SUFU: variants seen among roughly 807,000 people sequenced by gnomAD.
SUFU encodes the protein SUFU negative regulator of hedgehog signaling.
In SUFU, 7 loss-of-function variants were observed where a neutral mutation model predicts 58.9. That is an observed-to-expected ratio of 0.12 (90% CI 0.07 to 0.22). SUFU has a LOEUF of 0.22. Ranked by LOEUF, SUFU falls within the 10% of genes least tolerant of loss-of-function variation. The pLI, the probability that SUFU is intolerant of heterozygous loss-of-function variation, is 1.00. For synonymous variants in SUFU, 232 were observed against 254.8 expected (o/e 0.91, Z 0.85); for missense variants, 451 against 641.3 (o/e 0.70, Z 3.20).
intron 8 of SUFU, among the ~76,000 whole-genome samples, chr10:102,614,325 GT>G (rs1226177262): frequency 3.3e-5 from 5 of 150,588 alleles, no homozygotes; most frequent in Middle Eastern, 3.7e-3. Flanking sequence ...GGAGGCCGAG[GT>G]AGGCAGATCA....
chr10:102,621,097 G>A (rs143143675), intron 10 of SUFU, among the ~76,000 whole-genome samples: 2 of 152,252 alleles, frequency 1.3e-5, no homozygotes, highest in African/African-American at 2.4e-5. Flanking sequence ...AGGTGCTGCC[G>A]AGCTCTCCTC....
chr10:102,515,662 G>A (rs1457700548), intron 2 of SUFU, among the ~76,000 whole-genome samples: 2 of 152,006 alleles, frequency 1.3e-5, no homozygotes, highest in Non-Finnish European at 2.9e-5. Flanking sequence ...TCCTTTCTTC[G>A]CCATACACAT....
intron 3 of SUFU, among the ~76,000 whole-genome samples, chr10:102,551,463 C>G (rs2062913967): frequency 6.6e-6 from 1 of 151,796 alleles, no homozygotes; most frequent in Non-Finnish European, 1.5e-5. Context: ...CATGGTGAAA[C>G]CCTGTGTCTA....
At chr10:102,612,949 T>G (rs1590079652) in intron 8 of SUFU, among the ~76,000 whole-genome samples, 1 of 152,024 alleles carries the variant, frequency 6.6e-6, no homozygotes, top group East Asian at 1.9e-4. Flanking sequence ...TCAGGAAACA[T>G]GGCTCAGGAA....
At chr10:102,620,024 G>C (rs2063726890) in intron 10 of SUFU, among the ~76,000 whole-genome samples, 1 of 152,198 alleles carries the variant, frequency 6.6e-6, no homozygotes, top group African/African-American at 2.4e-5. Flanking sequence ...TGTCTTCTTG[G>C]GCCTTGTGTG....
At position 102,615,383 on chromosome 10, in the gene SUFU, C is replaced by T. The variant is rs2135930417; in HGVS notation, c.1138C>T (p.Leu380Phe). The T allele has an allele frequency of 6.2e-7, 1 of 1,614,106 alleles. No homozygotes were observed. Among genetic ancestry groups the T allele is most frequent in the Non-Finnish European group, 8.5e-7 (1 of 1,179,978 alleles). Residue 380 changes from leucine (L) to phenylalanine (F), a missense_variant, in exon 9 of 12, where the codon CTC becomes TTC. Transcript: ENST00000369902. ...GAAATTCAACCAGGAGTCCGGAGCC[C>T]TCATTCCTCTCTGCCTAAGGTGAGC... ...HLKFNQESGA[L>F]IPLCLRGRLL... is the part of the protein sequence containing the mutation.
At chr10:102,564,053 A>C (rs2063064986) in intron 3 of SUFU, among the ~76,000 whole-genome samples, 1 of 152,214 alleles carries the variant, frequency 6.6e-6, no homozygotes, top group Admixed American at 6.5e-5. Context: ...TGCTGTGCTC[A>C]GCAGCACACC....
chr10:102,569,200 T>C (rs975816231), intron 3 of SUFU, among the ~76,000 whole-genome samples: 1 of 151,902 alleles, frequency 6.6e-6, no homozygotes, highest in African/African-American at 2.4e-5. Flanking sequence ...ATTTTACAGT[T>C]TGGCACATAT....
chr10:102,506,473 G>A (rs7902317), intron 1 of SUFU, among the ~76,000 whole-genome samples: 2 of 151,840 alleles, frequency 1.3e-5, no homozygotes, highest in African/African-American at 2.4e-5. Flanking sequence ...CTGTCTCCCG[G>A]TTTCAAGCGA....
intron 2 of SUFU, among the ~76,000 whole-genome samples, chr10:102,539,708 A>G (rs1314958636): frequency 6.6e-6 from 1 of 152,194 alleles, no homozygotes; most frequent in Non-Finnish European, 1.5e-5. Flanking sequence ...AGTCTTCTCC[A>G]TATTTACTTA....
chr10:102,541,624 C>T (rs2062800622), intron 2 of SUFU, among the ~76,000 whole-genome samples: 2 of 150,490 alleles, frequency 1.3e-5, no homozygotes, highest in South Asian at 4.2e-4. Flanking sequence ...GTCTCCAACT[C>T]CTGACCTCAG....
chr10:102,546,544 G>C (rs1385396123), intron 2 of SUFU, among the ~76,000 whole-genome samples: 1 of 152,184 alleles, frequency 6.6e-6, no homozygotes, highest in African/African-American at 2.4e-5. Context: ...CGCTCCCTAG[G>C]AGGGGCTTCA....
chr10:102,513,495 A>C lies in SUFU; in HGVS notation c.317+4192A>C, dbSNP rs572286425. Among the ~76,000 whole-genome samples, 3 of 152,388 alleles carry C rather than the reference A, an allele frequency of 2.0e-5. No individual in the cohort carries two copies. The South Asian group carries it at 6.2e-4, about 32-fold the overall frequency. ...CTTGGGGGATAAAATAGCAAGACATAATTCTTGTCTGAAGGAGCTCATGTT... is the reference window on the plus strand; with the variant it reads ...CTTGGGGGATAAAATAGCAAGACATCATTCTTGTCTGAAGGAGCTCATGTT... On this transcript the variant is annotated intron_variant, in intron 2 of 11. Coordinates refer to ENST00000369902, the MANE Select transcript of SUFU (RefSeq NM_016169.4).
At chr10:102,622,514 G>A (rs560982955) in intron 10 of SUFU, among the ~76,000 whole-genome samples, 20 of 152,190 alleles carry the variant, frequency 1.3e-4, no homozygotes, top group East Asian at 9.7e-4. Context: ...AGGCCGAGGC[G>A]GGCGGATCAT....
chr10:102,623,496 T>C (rs2063759962), intron 10 of SUFU, among the ~76,000 whole-genome samples: 4 of 152,208 alleles, frequency 2.6e-5, no homozygotes, highest in Admixed American at 2.0e-4. Flanking sequence ...TTCCAGGTCA[T>C]TGGTAAAAAC....
At chr10:102,601,503 C>T (rs914185821) in intron 8 of SUFU, among the ~76,000 whole-genome samples, 40 of 152,118 alleles carry the variant, frequency 2.6e-4, no homozygotes, top group Admixed American at 2.2e-3. Flanking sequence ...AGGTTTAGTG[C>T]CCAGTAAGGT....
intron 3 of SUFU, among the ~76,000 whole-genome samples, chr10:102,558,045 A>G (rs1268416784): frequency 7.2e-6 from 1 of 139,258 alleles, no homozygotes; most frequent in African/African-American, 2.7e-5. Flanking sequence ...GACCATAGGC[A>G]TGCACCAACA....
At chr10:102,570,231 ATATTTATT>A (rs10524429) in intron 3 of SUFU, among the ~76,000 whole-genome samples, 1 of 148,434 alleles carries the variant, frequency 6.7e-6, no homozygotes, top group Non-Finnish European at 1.5e-5. Flanking sequence ...AACCGAGAGA[ATATTTATT>A]TATTTATTTA....
At chr10:102,588,129 G>T (rs1337429384) in intron 3 of SUFU, among the ~76,000 whole-genome samples, 1 of 152,050 alleles carries the variant, frequency 6.6e-6, no homozygotes, top group East Asian at 1.9e-4. Flanking sequence ...GGGCGCAGTG[G>T]CTCACGCCTG....
Sources: gnomAD v4.1 joint callset for allele counts (sites outside exome capture counted in the v4.1 genomes callset) on GRCh38, gnomAD v4.1.1 for gene constraint, MANE v1.5 for transcripts, NCBI Gene and HGNC (gene_info 2026-07-23, HGNC 2026-07-21) for gene names.